Variants in FAM184B observed in about 807,000 individuals in gnomAD.
FAM184B encodes protein FAM184B.
A neutral mutation model predicts 135.9 loss-of-function variants in FAM184B; 111 were observed. The ratio of observed to expected loss-of-function variants is 0.82; its 90% CI spans 0.70 to 0.96. The LOEUF is 0.96. FAM184B is among the 40% of genes least tolerant of loss of function. The pLI is 0.00. For missense variants in FAM184B, 1,375 were observed against 1,323.9 expected (o/e 1.04, Z -0.60); for synonymous variants, 552 against 524.8 (o/e 1.05, Z -0.71).
intron 1 of FAM184B, among the ~76,000 whole-genome samples, chr4:17,770,847 C>T (rs1047232710): frequency 3.9e-5 from 6 of 152,186 alleles, no homozygotes; most frequent in African/African-American, 1.4e-4. Flanking sequence ...ATATAATTCT[C>T]ATACCAGGAG....
chr4:17,645,447 G>A (rs147454864), intron 12 of FAM184B, among the ~76,000 whole-genome samples: 4,874 of 152,186 alleles, frequency 0.032, 121 homozygotes, highest in South Asian at 0.06. Flanking sequence ...TCTGATCTTT[G>A]ACAAACCTGA....
intron 1 of FAM184B, among the ~76,000 whole-genome samples, chr4:17,719,912 C>G (rs908089117): frequency 3.9e-5 from 6 of 152,222 alleles, no homozygotes; most frequent in African/African-American, 1.4e-4. Context: ...TTTTCAGCAG[C>G]ATTAGAGCTA....
intron 10 of FAM184B, among the ~76,000 whole-genome samples, chr4:17,654,485 C>T (rs1715736112): frequency 6.6e-6 from 1 of 152,176 alleles, no homozygotes; most frequent in South Asian, 2.1e-4. Flanking sequence ...GCCCCAGCAC[C>T]CGCCCCTGCT....
intron 10 of FAM184B, 91 bp downstream of exon 10, chr4:17,658,259 G>T: frequency 1.8e-6 from 2 of 1,093,986 alleles, no homozygotes; most frequent in Non-Finnish European, 2.7e-6. Context: ...CGGGGGATTG[G>T]ATGTCATGTA....
chr4:17,632,318 A>C lies in FAM184B; in HGVS notation c.*214T>G, dbSNP rs1249401984. 4 of 364,210 alleles carry C rather than the reference A, an allele frequency of 1.1e-5. No individual in the cohort carries two copies. The highest frequency in any genetic ancestry group is 2.1e-5 in the Non-Finnish European group (4 of 194,938). The allele number at this position is 364,210 out of a possible 1,614,324, so 22.6% of individuals were successfully genotyped here. On this transcript the variant is annotated 3_prime_UTR_variant, in exon 18 of 18. Coordinates refer to ENST00000265018, the MANE Select transcript of FAM184B (RefSeq NM_015688.2). Reference sequence around the variant, plus strand: ...TCAAATTCCTGGACTCAAGCAGTCCATCTGCCTCAGCCTCCCAAAGTGATG... The same window carrying C: ...TCAAATTCCTGGACTCAAGCAGTCCCTCTGCCTCAGCCTCCCAAAGTGATG...
At position 17,688,273 on chromosome 4, in the gene FAM184B, T is replaced by C. The variant is rs1716636777; in HGVS notation, c.1596+151A>G. On this transcript the variant is annotated intron_variant, in intron 7 of 17. Coordinates refer to ENST00000265018, the MANE Select transcript of FAM184B (RefSeq NM_015688.2). ...TCGTGGTTTCTGTGAATGGATTTTG[T>C]GGTGATTTTTTTTTTTTCCGGGCAT... The C allele has an allele frequency of 5.7e-6, 3 of 524,136 alleles. No individual in the cohort carries two copies. In the South Asian group the frequency reaches 6.3e-5, roughly 11 times the overall value. 32.5% of individuals were successfully genotyped at this position (524,136 alleles called of 1,614,324 possible).
At chr4:17,699,975 G>A (rs921114279) in intron 5 of FAM184B, among the ~76,000 whole-genome samples, 2 of 152,108 alleles carry the variant, frequency 1.3e-5, no homozygotes, top group African/African-American at 2.4e-5. Flanking sequence ...GTGAAGTAAT[G>A]TATTTCAAGA....
Position 17,704,028 on chromosome 4 carries a change from G to C in FAM184B, c.1377+972C>G, listed in dbSNP as rs13149921. Among the ~76,000 whole-genome samples the C allele has an allele frequency of 4.9e-3, 747 of 152,022 alleles. 4 individuals carry two copies. Among genetic ancestry groups the C allele is most frequent in the Middle Eastern group, 0.01 (3 of 288 alleles). On this transcript the variant is annotated intron_variant, in intron 5 of 17. Transcript: ENST00000265018. ...CAGCTTGTGTCAGGGTTAAGACTTA[G>C]ATCCAAGACTAGTCTTGATCTTTCA...
At chr4:17,735,046 T>C (rs1169527919) in intron 1 of FAM184B, among the ~76,000 whole-genome samples, 1 of 151,872 alleles carries the variant, frequency 6.6e-6, no homozygotes, top group African/African-American at 2.4e-5. Flanking sequence ...ATGGATGAAA[T>C]TGGAAATCAT....
chr4:17,739,638 T>C (rs1356676039), intron 1 of FAM184B, among the ~76,000 whole-genome samples: 1 of 136,102 alleles, frequency 7.3e-6, no homozygotes, highest in Non-Finnish European at 1.5e-5. Context: ...ACCGGCAACC[T>C]CTGCCTCCCA....
chr4:17,683,640 C>T (rs563560067), intron 7 of FAM184B, among the ~76,000 whole-genome samples: 6 of 152,130 alleles, frequency 3.9e-5, no homozygotes, highest in Non-Finnish European at 7.4e-5. Flanking sequence ...ATCTAAATGT[C>T]AATCATAAGG....
At position 17,688,487 on chromosome 4, in the gene FAM184B, G is replaced by A. The variant is rs747165633; in HGVS notation, c.1533C>T (p.Pro511=). Residue 511 remains proline (P), a synonymous_variant, in exon 7 of 18, where the codon CCC becomes CCT. Transcript: ENST00000265018. ...EEFIQQNKTR[P]TGAEESPQEL... ...CCTGGGGACTTTCCTCAGCTCCTGTGGGGCGTGTCTTATTTTGTTGGATAA... is the reference window on the plus strand; with the variant it reads ...CCTGGGGACTTTCCTCAGCTCCTGTAGGGCGTGTCTTATTTTGTTGGATAA... 5.8e-5 allele frequency: 90 copies of A among 1,550,972 alleles called. No individual in the cohort carries two copies. Among genetic ancestry groups the A allele is most frequent in the Non-Finnish European group, 7.5e-5 (86 of 1,146,892 alleles).
At chr4:17,724,871 T>C (rs772566354) in intron 1 of FAM184B, among the ~76,000 whole-genome samples, 2 of 152,220 alleles carry the variant, frequency 1.3e-5, no homozygotes, top group Non-Finnish European at 2.9e-5. Context: ...GTAGGACTCC[T>C]ATATTCTACG....
intron 1 of FAM184B, among the ~76,000 whole-genome samples, chr4:17,767,099 G>A (rs1044504516): frequency 6.6e-5 from 10 of 152,168 alleles, no homozygotes; most frequent in African/African-American, 2.4e-4. Context: ...CGGCCCCTCC[G>A]AGTGCGGGGC....
At chr4:17,736,126 A>G (rs1705195759) in intron 1 of FAM184B, among the ~76,000 whole-genome samples, 1 of 152,190 alleles carries the variant, frequency 6.6e-6, no homozygotes, top group African/African-American at 2.4e-5. Flanking sequence ...CAAGCATCCC[A>G]TCAGGTAAGT....
At chr4:17,777,656 A>G (rs1178437795) in intron 1 of FAM184B, among the ~76,000 whole-genome samples, 1 of 152,240 alleles carries the variant, frequency 6.6e-6, no homozygotes, top group Non-Finnish European at 1.5e-5. Context: ...GGAATTCACC[A>G]GGATGCAACA....
chr4:17,732,503 A>T (rs1717805666), intron 1 of FAM184B, among the ~76,000 whole-genome samples: 1 of 152,206 alleles, frequency 6.6e-6, no homozygotes, highest in South Asian at 2.1e-4. Flanking sequence ...GATAAAGGGG[A>T]TATCACCTCC....
Position 17,641,461 on chromosome 4 carries a change from C to CTTTTTTTTTTTTTTTTT in FAM184B, c.2519+578_2519+594dup, listed in dbSNP as rs71167316. On this transcript the variant is annotated intron_variant, in intron 13 of 17. Transcript: ENST00000265018. Reference sequence around the variant, plus strand: ...TGCAGGGAAACAAACAGGACTCCCTCTTTTTTTTTTTTTTTTTTTTTTTTT... The same window carrying CTTTTTTTTTTTTTTTTT: ...TGCAGGGAAACAAACAGGACTCCCTCTTTTTTTTTTTTTTTTTTTTTTTTTTTTTTTTTTTTTTTTTT... 3.1e-4 allele frequency among the ~76,000 whole-genome samples: 14 copies of CTTTTTTTTTTTTTTTTT among 45,700 alleles called. 2 individuals are homozygous for CTTTTTTTTTTTTTTTTT. Among genetic ancestry groups the CTTTTTTTTTTTTTTTTT allele is most frequent in the African/African-American group, 8.4e-4 (10 of 11,868 alleles). The allele number at this position is 45,700 out of a possible 152,430, so 30.0% of individuals were successfully genotyped here.
intron 5 of FAM184B, among the ~76,000 whole-genome samples, chr4:17,694,428 C>A (rs1448291916): frequency 6.6e-6 from 1 of 151,276 alleles, no homozygotes; most frequent in East Asian, 1.9e-4. Flanking sequence ...GAGGCTGAGG[C>A]AGGAGAATGG....
Sources: gnomAD v4.1 joint callset for allele counts (sites outside exome capture counted in the v4.1 genomes callset) on GRCh38, gnomAD v4.1.1 for gene constraint, MANE v1.5 for transcripts, NCBI Gene and HGNC (gene_info 2026-07-23, HGNC 2026-07-21) for gene names.